PTPRT: variants seen among roughly 807,000 people sequenced by gnomAD.
The protein encoded by PTPRT is receptor-type tyrosine-protein phosphatase T.
In PTPRT, 56 loss-of-function variants were observed where a neutral mutation model predicts 176.8. That is an observed-to-expected ratio of 0.32 (90% confidence interval 0.26 to 0.40). PTPRT has a LOEUF of 0.40. Ranked by LOEUF, PTPRT falls within the 10% of genes least tolerant of loss-of-function variation. PTPRT has a pLI of 1.00. For synonymous variants in PTPRT, 783 were observed against 739.0 expected (o/e 1.06, Z -0.96); for missense variants, 1,540 against 1,908.2 (o/e 0.81, Z 3.60).
intron 8 of PTPRT, among the ~76,000 whole-genome samples, chr20:42,448,539 C>T (rs372110084): frequency 1.6e-4 from 24 of 152,256 alleles, no homozygotes; most frequent in African/African-American, 4.1e-4. Context: ...TGAATGAGTA[C>T]GGTGGCGTTC....
chr20:43,088,361 T>TGTGG, intron 1 of PTPRT, among the ~76,000 whole-genome samples: 1 of 151,124 alleles, frequency 6.6e-6, no homozygotes. Context: ...TGTGTGTGTG[T>TGTGG]GTGTGTGTGT....
intron 12 of PTPRT, among the ~76,000 whole-genome samples, chr20:42,297,580 A>C (rs1256789523): frequency 6.6e-6 from 1 of 152,218 alleles, no homozygotes; most frequent in Non-Finnish European, 1.5e-5. Flanking sequence ...AAACTCACTG[A>C]AAAAGGAAAT....
At chr20:42,696,464 T>A (rs1037600752) in intron 6 of PTPRT, among the ~76,000 whole-genome samples, 1 of 139,210 alleles carries the variant, frequency 7.2e-6, no homozygotes, top group Non-Finnish European at 1.6e-5. Flanking sequence ...AATTATTTTT[T>A]TTTTTTTTTG....
intron 1 of PTPRT, among the ~76,000 whole-genome samples, chr20:43,138,155 C>G (rs2013892912): frequency 6.6e-6 from 1 of 152,220 alleles, no homozygotes. Context: ...TGGCAAGAGG[C>G]TCTCTAGGGA....
Position 42,708,527 on chromosome 20 carries a change from GA to G in PTPRT, c.860-30369del, listed in dbSNP as rs546269572. On this transcript the variant is annotated intron_variant, in intron 6 of 30. Transcript: ENST00000373187. The stretch of plus-strand genomic sequence containing the variant: ...TGGCCATTCTCCTCCCTGCCCAAGA[GA>G]AAGAAACATAGACACCGTATACTTG... 2.0e-5 allele frequency among the ~76,000 whole-genome samples: 3 copies of G among 152,262 alleles called. No individual in the cohort carries two copies. The East Asian group carries it at 5.8e-4, about 29-fold the overall frequency.
chr20:42,444,562 C>T (rs900803575), intron 9 of PTPRT, among the ~76,000 whole-genome samples: 2 of 152,144 alleles, frequency 1.3e-5, no homozygotes, highest in Non-Finnish European at 2.9e-5. Context: ...CTGTATTTAA[C>T]AATAACATAG....
chr20:43,170,329 C>A (rs957484824), intron 1 of PTPRT, among the ~76,000 whole-genome samples: 2 of 152,096 alleles, frequency 1.3e-5, no homozygotes, highest in African/African-American at 4.8e-5. Context: ...TTGCTAGGCA[C>A]TATTAATTTC....
chr20:42,071,026 G>A (rs78729787), downstream of PTPRT, among the ~76,000 whole-genome samples: 68 of 152,220 alleles, frequency 4.5e-4, no homozygotes, highest in East Asian at 0.013. Context: ...ATAACTAGCC[G>A]GCTGGACACC....
chr20:42,056,530 C>T, the PTPRT span, among the ~76,000 whole-genome samples: 5 of 152,244 alleles, frequency 3.3e-5, no homozygotes, highest in East Asian at 3.9e-4. Context: ...ATGCCAGTAC[C>T]GTGTTATGTG....
intron 1 of PTPRT, among the ~76,000 whole-genome samples, chr20:42,945,278 G>A (rs1980810514): frequency 6.6e-6 from 1 of 152,028 alleles, no homozygotes. Flanking sequence ...GAGTGTGAGA[G>A]GTTAAATAAA....
chr20:42,343,148 T>TC (rs2058137118), intron 11 of PTPRT, among the ~76,000 whole-genome samples: 1 of 151,944 alleles, frequency 6.6e-6, no homozygotes, highest in African/African-American at 2.4e-5. Flanking sequence ...CCCTTAGAAG[T>TC]CCCCCACACT....
intron 4 of PTPRT, among the ~76,000 whole-genome samples, chr20:42,775,551 T>C (rs1297627212): frequency 1.3e-5 from 2 of 152,280 alleles, no homozygotes; most frequent in South Asian, 4.2e-4. Flanking sequence ...TAGAATACTT[T>C]TAGAATAACA....
intron 6 of PTPRT, among the ~76,000 whole-genome samples, chr20:42,752,727 C>G (rs1197108454): frequency 6.6e-6 from 1 of 152,132 alleles, no homozygotes; most frequent in African/African-American, 2.4e-5. Flanking sequence ...TAAACAAGTA[C>G]AAATACTTCA....
the PTPRT span, among the ~76,000 whole-genome samples, chr20:42,042,433 T>C: frequency 6.6e-6 from 1 of 152,222 alleles, no homozygotes; most frequent in African/African-American, 2.4e-5. Flanking sequence ...TGGTGCTCTT[T>C]CCTCTCCTCT....
At chr20:42,175,807 T>C (rs1241931688) in intron 16 of PTPRT, among the ~76,000 whole-genome samples, 2 of 152,150 alleles carry the variant, frequency 1.3e-5, no homozygotes, top group African/African-American at 4.8e-5. Context: ...GATTGAAGGA[T>C]GGATAGATGG....
intron 2 of PTPRT, among the ~76,000 whole-genome samples, chr20:42,874,680 T>C (rs1375179637): frequency 2.0e-5 from 3 of 152,068 alleles, no homozygotes; most frequent in Non-Finnish European, 2.9e-5. Context: ...TTTGAGAGAG[T>C]TGACATTCTG....
intron 2 of PTPRT, among the ~76,000 whole-genome samples, chr20:42,849,132 C>T (rs2078428191): frequency 6.6e-6 from 1 of 152,098 alleles, no homozygotes; most frequent in South Asian, 2.1e-4. Flanking sequence ...AGTATTTGGG[C>T]TTATTTCTGA....
At chr20:42,983,975 C>G (rs1983420974) in intron 1 of PTPRT, among the ~76,000 whole-genome samples, 1 of 152,206 alleles carries the variant, frequency 6.6e-6, no homozygotes, top group African/African-American at 2.4e-5. Context: ...CAGCCTGGAG[C>G]TGACTGGTCA....
intron 1 of PTPRT, among the ~76,000 whole-genome samples, chr20:43,098,352 TC>T (rs1488154460): frequency 6.6e-6 from 1 of 152,150 alleles, no homozygotes; most frequent in African/African-American, 2.4e-5. Context: ...CCCTTCTGCC[TC>T]AGTTTCCTCA....
Sources: gnomAD v4.1 joint callset for allele counts (sites outside exome capture counted in the v4.1 genomes callset) on GRCh38, gnomAD v4.1.1 for gene constraint, MANE v1.5 for transcripts, NCBI Gene and HGNC (gene_info 2026-07-23, HGNC 2026-07-21) for gene names.